Variants in FGF12 observed in about 807,000 individuals in gnomAD.
The protein encoded by FGF12 is fibroblast growth factor 12B.
Under a neutral mutation model 23.6 loss-of-function variants are expected in FGF12, and 14 were observed. The ratio of observed to expected loss-of-function variants is 0.59; its 90% CI spans 0.39 to 0.93. FGF12 has a LOEUF of 0.93. Ranked by LOEUF, FGF12 falls within the 40% of genes least tolerant of loss-of-function variation. The probability of loss-of-function intolerance (pLI) is 0.00; values close to 1 mark genes in which losing one functional copy is unlikely to be tolerated. For missense variants in FGF12, 175 were observed against 217.8 expected, an observed-to-expected ratio of 0.80 and a Z score of 1.24; for synonymous variants, 62 against 77.3, an observed-to-expected ratio of 0.80 and a Z score of 1.04.
In FGF12 at chr3:192,514,960, G is replaced by T; in HGVS notation, c.14-154422C>A. 2.6e-6 allele frequency: 2 copies of T among 772,082 alleles called. No individual in the cohort carries two copies. Among genetic ancestry groups the T allele is most frequent in the Non-Finnish European group, 3.1e-6 (2 of 635,170 alleles). The allele number at this position is 772,082 out of a possible 1,614,324, so 47.8% of individuals were successfully genotyped here. A position where few individuals can be genotyped will look rare whatever the true frequency, so the allele number is the denominator to read the frequency against. Reference sequence around the variant, plus strand: ...CGGAAGTGCCGGTCCGCCGGGGGCAGCCCTCCGAGAGCCCGAGGCGCTGCC... The same window carrying T: ...CGGAAGTGCCGGTCCGCCGGGGGCATCCCTCCGAGAGCCCGAGGCGCTGCC... On this transcript the variant is annotated intron_variant, in intron 2 of 5. Transcript: ENST00000445105. This position sits in a 1 kb window ranked among gnomAD's most constrained non-coding sequence, Gnocchi z 4.9.
At chr3:192,228,274 A>G (rs1422776577) in intron 4 of FGF12, among the ~76,000 whole-genome samples, 1 of 152,142 alleles carries the variant, frequency 6.6e-6, no homozygotes, top group Non-Finnish European at 1.5e-5. Context: ...TTATTTGTCA[A>G]TTAAAAAATA....
intron 4 of FGF12, among the ~76,000 whole-genome samples, chr3:192,321,387 G>A (rs1028603287): frequency 6.6e-6 from 1 of 150,442 alleles, no homozygotes; most frequent in Non-Finnish European, 1.5e-5. Flanking sequence ...AACATTTAAT[G>A]AAGAACTAAT....
intron 4 of FGF12, among the ~76,000 whole-genome samples, chr3:192,296,933 A>G (rs114126572): frequency 0.013 from 1,944 of 152,334 alleles, 19 homozygotes; most frequent in Non-Finnish European, 0.021. Flanking sequence ...ATAGGCTTAC[A>G]TGCAAGTTTA....
intron 2 of FGF12, among the ~76,000 whole-genome samples, chr3:192,566,444 A>G (rs1423045556): frequency 1.3e-5 from 2 of 152,254 alleles, no homozygotes; most frequent in South Asian, 2.1e-4. Context: ...AAGGCTGGAG[A>G]GTATAGAATA....
At chr3:192,616,115 C>T (rs2654706) in intron 2 of FGF12, among the ~76,000 whole-genome samples, 116,795 of 151,846 alleles carry the variant, frequency 0.77, 44,987 homozygotes, top group East Asian at 0.89. Flanking sequence ...TAGATACTTA[C>T]ATGTAATAAA....
intron 2 of FGF12, among the ~76,000 whole-genome samples, chr3:192,414,863 T>C (rs1364453149): frequency 6.6e-6 from 1 of 152,156 alleles, no homozygotes; most frequent in African/African-American, 2.4e-5. Context: ...AGGAAACAAG[T>C]ATCCCCAATT....
intron 2 of FGF12, among the ~76,000 whole-genome samples, chr3:192,652,924 G>A (rs1463085794): frequency 4.6e-5 from 7 of 152,302 alleles, no homozygotes; most frequent in African/African-American, 1.4e-4. Context: ...CTGAGGTGGT[G>A]AGTCATCACT....
At chr3:192,719,793 AAAAAAAAAAAAG>A (rs1008971712) in intron 2 of FGF12, among the ~76,000 whole-genome samples, 2 of 139,406 alleles carry the variant, frequency 1.4e-5, no homozygotes, top group African/African-American at 5.9e-5. Context: ...GGGCAAAAAA[AAAAAAAAAAAAG>A]AAAAACAAGA....
At chr3:192,283,951 CA>C (rs1335053604) in intron 4 of FGF12, among the ~76,000 whole-genome samples, 2 of 152,048 alleles carry the variant, frequency 1.3e-5, no homozygotes, top group East Asian at 1.9e-4. Context: ...AGAAATTCCA[CA>C]AAGCTGAATG....
intron 2 of FGF12, among the ~76,000 whole-genome samples, chr3:192,469,246 T>A (rs557080829): frequency 7.9e-5 from 12 of 152,302 alleles, no homozygotes; most frequent in African/African-American, 2.9e-4. Context: ...GAAACTTAGA[T>A]CTGGTTGCTA....
At chr3:192,270,110 CG>C (rs1713338486) in intron 4 of FGF12, among the ~76,000 whole-genome samples, 1 of 151,962 alleles carries the variant, frequency 6.6e-6, no homozygotes, top group Admixed American at 6.5e-5. Context: ...CAGGACCTAG[CG>C]GTTTTTCAGT....
At chr3:192,174,742 TA>T (rs796236664) in intron 4 of FGF12, among the ~76,000 whole-genome samples, 516 of 132,514 alleles carry the variant, frequency 3.9e-3, no homozygotes, top group Admixed American at 5.1e-3. Flanking sequence ...ACACGTGGAG[TA>T]AAAAAAAAAA....
At chr3:192,527,883 A>C (rs1724990134) in intron 2 of FGF12, among the ~76,000 whole-genome samples, 1 of 152,164 alleles carries the variant, frequency 6.6e-6, no homozygotes, top group Non-Finnish European at 1.5e-5. Flanking sequence ...ACTCCCCCTT[A>C]TATAATCATC....
intron 2 of FGF12, among the ~76,000 whole-genome samples, chr3:192,374,281 C>T (rs1033728245): frequency 6.6e-6 from 1 of 152,174 alleles, no homozygotes; most frequent in Non-Finnish European, 1.5e-5. Context: ...TGAAACTCTT[C>T]CCAAGTATGT....
At chr3:192,478,922 T>G (rs1488149598) in intron 2 of FGF12, among the ~76,000 whole-genome samples, 1 of 152,198 alleles carries the variant, frequency 6.6e-6, no homozygotes, top group Non-Finnish European at 1.5e-5. Context: ...AAAAGTTTTC[T>G]CTGGTTAGAA....
chr3:192,388,333 G>C (rs115385876), intron 2 of FGF12, among the ~76,000 whole-genome samples: 1 of 152,004 alleles, frequency 6.6e-6, no homozygotes, highest in Non-Finnish European at 1.5e-5. Flanking sequence ...AATCCAAATC[G>C]TTATAATACA....
intron 2 of FGF12, among the ~76,000 whole-genome samples, chr3:192,721,487 G>A (rs1291653632): frequency 1.3e-5 from 2 of 152,122 alleles, no homozygotes; most frequent in Non-Finnish European, 2.9e-5. Context: ...TTTTGAAAAA[G>A]TACAAAGTGT....
At chr3:192,405,804 A>G (rs1295531684) in intron 2 of FGF12, among the ~76,000 whole-genome samples, 2 of 152,262 alleles carry the variant, frequency 1.3e-5, no homozygotes, top group African/African-American at 2.4e-5. Flanking sequence ...GCAAATCAAC[A>G]GATTAATTAT....
chr3:192,298,796 A>G (rs983836674), intron 4 of FGF12, among the ~76,000 whole-genome samples: 1 of 152,198 alleles, frequency 6.6e-6, no homozygotes, highest in African/African-American at 2.4e-5. Context: ...CTTTACAAGA[A>G]GCATGGCACC....
Sources: allele counts gnomAD v4.1 joint callset (sites outside exome capture counted in the v4.1 genomes callset), GRCh38; gene constraint gnomAD v4.1.1; non-coding constraint Gnocchi (gnomAD v3.1); transcripts MANE v1.5; gene names NCBI Gene and HGNC (gene_info 2026-07-23, HGNC 2026-07-21).